Variants in POLR2C observed in about 807,000 individuals in gnomAD.
POLR2C encodes the protein DNA-directed RNA polymerase II subunit RPB3.
POLR2C carries 36 observed loss-of-function variants against 41.7 expected under a neutral mutation model. The ratio of observed to expected loss-of-function variants is 0.86; its 90% CI spans 0.66 to 1.14. The LOEUF (loss-of-function observed/expected upper bound fraction) is 1.14. POLR2C is among the 50% of genes most tolerant of loss of function. The pLI, the probability that POLR2C is intolerant of heterozygous loss-of-function variation, is 0.00. For missense variants in POLR2C, 260 were observed against 350.4 expected, an observed-to-expected ratio of 0.74 and a Z score of 2.06; for synonymous variants, 133 against 137.8, an observed-to-expected ratio of 0.96 and a Z score of 0.25.
chr16:57,466,608 CT>C (rs2030714680), intron 4 of POLR2C, among the ~76,000 whole-genome samples: 1 of 152,192 alleles, frequency 6.6e-6, no homozygotes, highest in Non-Finnish European at 1.5e-5. Flanking sequence ...TCCTGGGGGA[CT>C]AGTCCTGGTG....
chr16:57,469,074 C>CTGGG lies in POLR2C; in HGVS notation c.259-90_259-87dup, dbSNP rs1439055498. ...TTTACAGGTGAAGAAACTTAAGGAA[C>CTGGG]TGGGCATTAGATGCAGGAAGCCAAG... On this transcript the variant is annotated intron_variant, in intron 4 of 8. Coordinates refer to ENST00000219252, the MANE Select transcript of POLR2C (RefSeq NM_032940.3). The surrounding 1 kb of genome is among the most constrained non-coding windows in gnomAD (Gnocchi z 5.8). 7.6e-7 allele frequency: 1 copy of CTGGG among 1,307,682 alleles called. No individual in the cohort carries two copies. 81.0% of individuals were successfully genotyped at this position (1,307,682 alleles called of 1,614,324 possible).
At chr16:57,465,918 G>A in intron 2 of POLR2C, 35 bp from the exon 3 acceptor site, 2 of 1,382,444 alleles carry the variant, frequency 1.4e-6, no homozygotes. Flanking sequence ...TAAATTTGAT[G>A]GCTAAACTCC....
chr16:57,463,448 C>T, intron 2 of POLR2C: 1 of 389,432 alleles, frequency 2.6e-6, no homozygotes, highest in Non-Finnish European at 4.9e-6. Flanking sequence ...GGGTATAGTG[C>T]GTGATGCTGA....
intron 1 of POLR2C, 76 bp downstream of exon 1, chr16:57,462,886 G>T: frequency 8.0e-7 from 1 of 1,253,120 alleles, no homozygotes; most frequent in South Asian, 1.3e-5. Context: ...GGCAGGGGGC[G>T]GGGGTGTAGT....
rs763232746 is a variant in POLR2C at position 57,462,744 on chromosome 16, C to G, written c.20C>G (p.Pro7Arg). MPYANQ[P>R]TVRITELTDE... ...GGCGAGATGCCGTACGCCAACCAGC[C>G]TACCGTGCGGATCACGGAGCTCACT... The change falls in exon 1 of 9, where the codon CCT becomes CGT. Residue 7 changes from proline (P) to arginine (R), a missense_variant. Pro to Arg is a moderately radical substitution (Grantham distance 103). Coordinates refer to ENST00000219252, the MANE Select transcript of POLR2C (RefSeq NM_032940.3). The G allele has an allele frequency of 6.2e-7, 1 of 1,605,740 alleles. No homozygotes were observed.
At chr16:57,470,818 G>A (rs545770995) in intron 8 of POLR2C, among the ~76,000 whole-genome samples, 157 bp from the exon 9 acceptor site, 2 of 152,316 alleles carry the variant, frequency 1.3e-5, no homozygotes, top group South Asian at 2.1e-4. Context: ...ACTACCCTAT[G>A]TAAGAGGTTT....
At chr16:57,465,829 T>C (rs2030692779) in intron 2 of POLR2C, 124 bp from the exon 3 acceptor site, 1 of 722,012 alleles carries the variant, frequency 1.4e-6, no homozygotes, top group Non-Finnish European at 2.5e-6. Flanking sequence ...ACTCTAATGC[T>C]GTGGAATCAG....
intron 2 of POLR2C, chr16:57,463,373 G>A (rs1269387355): frequency 1.8e-6 from 1 of 546,596 alleles, no homozygotes; most frequent in African/African-American, 1.9e-5. Context: ...TGTTACAAAA[G>A]TTTTTAAAAT....
Position 57,471,734 on chromosome 16 carries a change from TTGGTGG to T in POLR2C, c.*616_*621del, listed in dbSNP as rs1567585123. ...ACCTCCAATGACCTGATCATTTAGT[TTGGTGG>T]GGGTGGGGGTGGGGGTGGGGGTGGA... On this transcript the variant is annotated 3_prime_UTR_variant, in exon 9 of 9. Transcript: ENST00000219252. 2 of 5,954 alleles carry T rather than the reference TTGGTGG, an allele frequency of 3.4e-4. No individual in the cohort carries two copies. Among genetic ancestry groups the T allele is most frequent in the African/African-American group, 2.4e-3 (1 of 414 alleles). The allele number at this position is 5,954 out of a possible 1,614,324, so 0.4% of individuals were successfully genotyped here.
chr16:57,470,185 G>A, intron 7 of POLR2C, 56 bp downstream of exon 7: 1 of 1,598,092 alleles, frequency 6.3e-7, no homozygotes, highest in South Asian at 1.1e-5. Flanking sequence ...GCATAGAAAT[G>A]GCTGTTGTTG....
At chr16:57,467,432 T>A (rs2030737206) in intron 4 of POLR2C, among the ~76,000 whole-genome samples, 1 of 152,338 alleles carries the variant, frequency 6.6e-6, no homozygotes, top group South Asian at 2.1e-4. Flanking sequence ...TGGCGATATC[T>A]TACATAAAGA....
At chr16:57,465,928 C>T (rs527513067) in intron 2 of POLR2C, 25 bp from the exon 3 acceptor site, 89 of 1,483,332 alleles carry the variant, frequency 6.0e-5, no homozygotes, top group South Asian at 5.8e-4. Flanking sequence ...GGCTAAACTC[C>T]ATGTCTGCTT....
intron 2 of POLR2C, among the ~76,000 whole-genome samples, chr16:57,464,949 A>G (rs1160789668): frequency 6.6e-6 from 1 of 152,182 alleles, no homozygotes; most frequent in Non-Finnish European, 1.5e-5. Context: ...AATATGACAC[A>G]AGGCACACTA....
rs148836411 is a variant in POLR2C at position 57,462,772 on chromosome 16, C to T, written c.48C>T (p.Asp16=). Residue 16 remains aspartate (D), a synonymous_variant, in exon 1 of 9, where the codon GAC becomes GAT. Coordinates refer to ENST00000219252, the MANE Select transcript of POLR2C (RefSeq NM_032940.3). ...CCGTGCGGATCACGGAGCTCACTGA[C>T]GAGAATGTCAAGTTCATCATCGAGA... ...QPTVRITELT[D]ENVKFIIENT... is the part of the protein sequence containing the mutation. 120 of 1,609,394 alleles carry T rather than the reference C, an allele frequency of 7.5e-5. No homozygotes were observed. Among genetic ancestry groups the T allele is most frequent in the Non-Finnish European group, 9.4e-5 (111 of 1,177,902 alleles).
intron 2 of POLR2C, among the ~76,000 whole-genome samples, chr16:57,464,901 G>T (rs1302387086): frequency 6.6e-6 from 1 of 152,144 alleles, no homozygotes; most frequent in Admixed American, 6.5e-5. Context: ...CTGCGTGAAG[G>T]AATTTCTGAA....
Position 57,469,919 on chromosome 16 carries a change from T to G in POLR2C, c.440-42T>G. ...CTCCAAGTCAGAATTTGGAGAAGCA[T>G]GTCTCTCCTGGCCCTTGACTGACTT... On this transcript the variant is annotated intron_variant, in intron 6 of 8. Transcript: ENST00000219252. This position sits in a 1 kb window ranked among gnomAD's most constrained non-coding sequence, Gnocchi z 5.8. The G allele has an allele frequency of 6.2e-7, 1 of 1,606,210 alleles. No homozygotes were observed. The highest frequency in any genetic ancestry group is 8.5e-7 in the Non-Finnish European group (1 of 1,175,134).
intron 2 of POLR2C, chr16:57,463,376 T>C (rs1758877601): frequency 3.7e-6 from 2 of 538,780 alleles, no homozygotes; most frequent in Non-Finnish European, 6.7e-6. Flanking sequence ...TACAAAAGTT[T>C]TTAAAATGTT....
intron 2 of POLR2C, chr16:57,463,330 AG>A (rs1441235495): frequency 1.7e-6 from 1 of 591,062 alleles, no homozygotes; most frequent in Admixed American, 3.0e-5. Context: ...AGCAGTGTGC[AG>A]ACTTGGGTTC....
chr16:57,467,650 T>C (rs1355923332), intron 4 of POLR2C, among the ~76,000 whole-genome samples: 2 of 152,252 alleles, frequency 1.3e-5, no homozygotes, highest in Admixed American at 1.3e-4. Flanking sequence ...ATGCAAATTG[T>C]TATTTTTGCT....
Sources: allele counts gnomAD v4.1 joint callset (sites outside exome capture counted in the v4.1 genomes callset), GRCh38; gene constraint gnomAD v4.1.1; non-coding constraint Gnocchi (gnomAD v3.1); transcripts MANE v1.5; gene names NCBI Gene and HGNC (gene_info 2026-07-23, HGNC 2026-07-21).